Variants in TTC7B observed in about 807,000 individuals in gnomAD.
The protein encoded by TTC7B is tetratricopeptide repeat protein 7B.
Under a neutral mutation model 106.8 loss-of-function variants are expected in TTC7B, and 28 were observed. That is an observed-to-expected ratio of 0.26 (90% CI 0.19 to 0.36). The LOEUF (loss-of-function observed/expected upper bound fraction) is 0.36. TTC7B is among the 10% of genes least tolerant of loss of function. TTC7B has a pLI of 1.00. For synonymous variants in TTC7B, 405 were observed against 430.6 expected (o/e 0.94, Z 0.74); for missense variants, 862 against 1,076.4 (o/e 0.80, Z 2.79).
In TTC7B at chr14:90,541,600, C is replaced by G; in HGVS notation, c.2311-11G>C. 6.5e-7 allele frequency: 1 copy of G among 1,531,892 alleles called. No individual in the cohort carries two copies. The highest frequency in any genetic ancestry group is 1.4e-5 in the African/African-American group (1 of 73,166). The allele number at this position is 1,531,892 out of a possible 1,614,324, so 94.9% of individuals were successfully genotyped here. A position where few individuals can be genotyped will look rare whatever the true frequency, so the allele number is the denominator to read the frequency against. ...GTGAAGGATCAGGGCCTGGAGAGGT[C>G]AGAGAGAGAGAGAGACAGTCAGCCA... On this transcript the variant is annotated splice_polypyrimidine_tract_variant and intron_variant, in intron 19 of 19. Transcript: ENST00000328459.
intron 11 of TTC7B, among the ~76,000 whole-genome samples, chr14:90,655,314 A>G (rs1371070231): frequency 1.3e-5 from 2 of 152,156 alleles, no homozygotes; most frequent in African/African-American, 4.8e-5. Context: ...TTTTCTCCTT[A>G]AAGTTTTTCT....
chr14:90,697,348 G>A lies in TTC7B; in HGVS notation c.699-1770C>T, dbSNP rs562538500. On this transcript the variant is annotated intron_variant, in intron 5 of 19. Coordinates refer to ENST00000328459, the MANE Select transcript of TTC7B (RefSeq NM_001010854.2). ...TAAATGATCCAACAGAATCTGGTCC[G>A]TTATGACACAGAAGTGAAGGGCCTG... The A allele has an allele frequency of 3.4e-5, 5 of 146,994 alleles. No individual in the cohort carries two copies. The East Asian group carries it at 5.8e-4, about 17-fold the overall frequency. 9.1% of individuals were successfully genotyped at this position (146,994 alleles called of 1,614,324 possible).
chr14:90,702,000 C>T (rs1888011573), intron 5 of TTC7B, among the ~76,000 whole-genome samples: 1 of 152,040 alleles, frequency 6.6e-6, no homozygotes, highest in Admixed American at 6.6e-5. Context: ...ATACTTAAAA[C>T]AAACCAATCC....
At chr14:90,750,595 A>T (rs1483159252) in intron 3 of TTC7B, among the ~76,000 whole-genome samples, 1 of 152,206 alleles carries the variant, frequency 6.6e-6, no homozygotes, top group Non-Finnish European at 1.5e-5. Context: ...ACACAACTTA[A>T]TCCTCCACAG....
intron 15 of TTC7B, among the ~76,000 whole-genome samples, chr14:90,626,479 C>T (rs558793888): frequency 6.6e-6 from 1 of 152,220 alleles, no homozygotes; most frequent in South Asian, 2.1e-4. Context: ...CCACAATGTA[C>T]CCACTGAGGG....
chr14:90,642,888 G>A (rs745600971), intron 15 of TTC7B, among the ~76,000 whole-genome samples: 26 of 152,072 alleles, frequency 1.7e-4, no homozygotes, highest in Non-Finnish European at 2.8e-4. Flanking sequence ...GAGAATCACC[G>A]AGAGCTAGTG....
intron 1 of TTC7B, among the ~76,000 whole-genome samples, chr14:90,787,701 GC>G (rs1434333856): frequency 6.6e-6 from 1 of 152,172 alleles, no homozygotes; most frequent in Non-Finnish European, 1.5e-5. Flanking sequence ...TGAGAAGTTG[GC>G]CCAAAACTGC....
Position 90,708,166 on chromosome 14 carries a change from A to AT in TTC7B, c.699-12589_699-12588insA, listed in dbSNP as rs1424175336. On this transcript the variant is annotated intron_variant, in intron 5 of 19. Coordinates refer to ENST00000328459, the MANE Select transcript of TTC7B (RefSeq NM_001010854.2). ...ATCTCAAAAAAAAAAAAAAAAAAAAAAAAAGTGCAAGGTGAAGCAGCAAGT... is the reference window on the plus strand; with the variant it reads ...ATCTCAAAAAAAAAAAAAAAAAAAAATAAAAGTGCAAGGTGAAGCAGCAAGT... Among the ~76,000 whole-genome samples the AT allele has an allele frequency of 1.8e-3, 273 of 151,470 alleles. 3 individuals are homozygous for AT. Among genetic ancestry groups the AT allele is most frequent in the African/African-American group, 6.3e-3 (260 of 41,254 alleles).
intron 17 of TTC7B, among the ~76,000 whole-genome samples, chr14:90,606,798 G>A (rs1439238357): frequency 1.3e-5 from 2 of 152,180 alleles, no homozygotes; most frequent in Non-Finnish European, 2.9e-5. Flanking sequence ...GCTTATGGAC[G>A]TGGGTGACTC....
intron 4 of TTC7B, among the ~76,000 whole-genome samples, chr14:90,744,080 T>C (rs1254162595): frequency 1.3e-5 from 2 of 152,182 alleles, no homozygotes; most frequent in East Asian, 1.9e-4. Context: ...TCGGTCCACG[T>C]CCCCAGCACC....
chr14:90,673,924 A>G (rs1284147142), intron 9 of TTC7B, among the ~76,000 whole-genome samples: 1 of 152,134 alleles, frequency 6.6e-6, no homozygotes, highest in Non-Finnish European at 1.5e-5. Flanking sequence ...GTTGACAGGA[A>G]CTTGGTGGGA....
intron 3 of TTC7B, among the ~76,000 whole-genome samples, chr14:90,763,274 G>C (rs1172896794): frequency 1.3e-5 from 2 of 152,036 alleles, no homozygotes; most frequent in African/African-American, 2.4e-5. Context: ...AAAAAATAAA[G>C]CACAAAAATT....
intron 16 of TTC7B, among the ~76,000 whole-genome samples, chr14:90,614,793 G>A (rs1893004334): frequency 6.6e-6 from 1 of 152,250 alleles, no homozygotes; most frequent in Admixed American, 6.5e-5. Flanking sequence ...CTGGCATGGA[G>A]AAGTTTCAAT....
intron 8 of TTC7B, among the ~76,000 whole-genome samples, chr14:90,678,767 G>C (rs1886936657): frequency 6.6e-6 from 1 of 152,182 alleles, no homozygotes. Context: ...TCATTCCAAA[G>C]ACATCTCCAC....
chr14:90,669,984 T>C (rs1051919381), intron 9 of TTC7B, among the ~76,000 whole-genome samples: 1 of 152,216 alleles, frequency 6.6e-6, no homozygotes, highest in Admixed American at 6.5e-5. Context: ...TGTCTTTATG[T>C]GCAAGTGTTG....
chr14:90,554,598 C>T (rs1447515475), intron 19 of TTC7B, among the ~76,000 whole-genome samples: 2 of 152,190 alleles, frequency 1.3e-5, no homozygotes, highest in Admixed American at 1.3e-4. Flanking sequence ...CACGCTCTTG[C>T]CCTCGCTCAA....
intron 2 of TTC7B, among the ~76,000 whole-genome samples, chr14:90,782,265 T>C (rs1216068018): frequency 7.9e-5 from 12 of 152,026 alleles, no homozygotes; most frequent in African/African-American, 2.9e-4. Flanking sequence ...TAGAATTACA[T>C]CTGGAGACAG....
At chr14:90,744,943 A>G in intron 3 of TTC7B, 21 bp from the exon 4 acceptor site, 3 of 1,610,818 alleles carry the variant, frequency 1.9e-6, no homozygotes, top group Non-Finnish European at 2.5e-6. Context: ...TATCAGACAC[A>G]AAAACTGAGT....
intron 5 of TTC7B, among the ~76,000 whole-genome samples, chr14:90,727,973 TG>T (rs919704299): frequency 6.6e-6 from 1 of 152,150 alleles, no homozygotes; most frequent in Non-Finnish European, 1.5e-5. Flanking sequence ...AAATGAGCCC[TG>T]GCTGTGGCCC....
Sources: gnomAD v4.1 joint callset for allele counts (sites outside exome capture counted in the v4.1 genomes callset) on GRCh38, gnomAD v4.1.1 for gene constraint, MANE v1.5 for transcripts, NCBI Gene and HGNC (gene_info 2026-07-23, HGNC 2026-07-21) for gene names.